Variants in ESYT1 observed in about 807,000 individuals in gnomAD.
The protein encoded by ESYT1 is extended synaptotagmin-1.
In ESYT1, 116 loss-of-function variants were observed where a neutral mutation model predicts 154.2. The observed-to-expected ratio is 0.75, with a 90% CI of 0.65 to 0.88. The LOEUF is 0.88. Among genes scored for constraint, ESYT1 ranks in the 40% least tolerant of loss-of-function variants. The probability of loss-of-function intolerance (pLI) is 0.00; values close to 1 mark genes in which losing one functional copy is unlikely to be tolerated. For synonymous variants in ESYT1, 500 were observed against 539.9 expected (o/e 0.93, Z 1.02); for missense variants, 1,264 against 1,379.3 (o/e 0.92, Z 1.32).
In ESYT1 at chr12:56,138,483, G is replaced by C. The variant is rs763709224; in HGVS notation, c.2417G>C (p.Arg806Pro). The change falls in exon 22 of 31, where the codon CGG becomes CCG. Residue 806 changes from arginine to proline, a missense_variant. Coordinates refer to ENST00000394048, the MANE Select transcript of ESYT1 (RefSeq NM_015292.3). Reference protein sequence around the residue: ...AAALLSIYMERAEDLPLRKGT... With the variant: ...AAALLSIYMEPAEDLPLRKGT... ...GCCCTGCTATCCATCTATATGGAGCGGGCAGAGGACCTCCCGGTGAGATCC... is the reference window on the plus strand; with the variant it reads ...GCCCTGCTATCCATCTATATGGAGCCGGCAGAGGACCTCCCGGTGAGATCC... The C allele has an allele frequency of 1.2e-6, 2 of 1,609,686 alleles. No homozygotes were observed. The highest frequency in any genetic ancestry group is 2.2e-5 in the East Asian group (1 of 44,748).
intron 1 of ESYT1, chr12:56,129,120 T>C (rs1263661699): frequency 4.4e-6 from 1 of 227,950 alleles, no homozygotes; most frequent in Non-Finnish European, 8.9e-6. Flanking sequence ...CCCTAGTCTT[T>C]CCCATCCTCC....
At chr12:56,136,364 G>A (rs1037449952) in intron 15 of ESYT1, among the ~76,000 whole-genome samples, 5 of 151,958 alleles carry the variant, frequency 3.3e-5, no homozygotes, top group South Asian at 2.1e-4. Context: ...CGAGGTGGGC[G>A]GATTGCCTGA....
Position 56,131,029 on chromosome 12 carries a change from T to C in ESYT1, c.568-11T>C, listed in dbSNP as rs778837784. On this transcript the variant is annotated splice_polypyrimidine_tract_variant and intron_variant, in intron 3 of 30. Coordinates refer to ENST00000394048, the MANE Select transcript of ESYT1 (RefSeq NM_015292.3). Reference sequence around the variant, plus strand: ...ATCCCTGCCCTCTCTCAGGAATTTCTCTCTCCCTAGCCATTGCGCATCATT... The same window carrying C: ...ATCCCTGCCCTCTCTCAGGAATTTCCCTCTCCCTAGCCATTGCGCATCATT... 6.2e-7 allele frequency: 1 copy of C among 1,614,166 alleles called. No homozygotes were observed. Among genetic ancestry groups the C allele is most frequent in the Admixed American group, 1.7e-5 (1 of 60,016 alleles).
At chr12:56,138,541 C>A in intron 22 of ESYT1, 42 bp downstream of exon 22, 1 of 1,531,386 alleles carries the variant, frequency 6.5e-7, no homozygotes, top group Non-Finnish European at 8.9e-7. Context: ...CCTGGCCCTT[C>A]TTCCACCTTC....
rs753301848 is a variant in ESYT1 at position 56,131,585 on chromosome 12, G to A, written c.804+19G>A. 1 of 1,613,482 alleles carries A rather than the reference G, an allele frequency of 6.2e-7. No individual in the cohort carries two copies. The highest frequency in any genetic ancestry group is 8.5e-7 in the Non-Finnish European group (1 of 1,179,614). ...ACGCCCGGTAAGGGAAAACAATGAAGGGGTATGGGGAAGCAGGAGAAACAG... is the reference window on the plus strand; with the variant it reads ...ACGCCCGGTAAGGGAAAACAATGAAAGGGTATGGGGAAGCAGGAGAAACAG... On this transcript the variant is annotated intron_variant, in intron 6 of 30. Transcript: ENST00000394048.
Position 56,138,859 on chromosome 12 carries a change from G to A in ESYT1, c.2505+20G>A. The A allele has an allele frequency of 6.2e-7, 1 of 1,613,082 alleles. No homozygotes were observed. The highest frequency in any genetic ancestry group is 1.1e-5 in the South Asian group (1 of 91,076). On this transcript the variant is annotated intron_variant, in intron 23 of 30. Coordinates refer to ENST00000394048, the MANE Select transcript of ESYT1 (RefSeq NM_015292.3). Reference sequence around the variant, plus strand: ...ACCAAGGTATGAAGAAATGCTGCAGGGTAAAAATGGGAGGGATAAGAGAAA... The same window carrying A: ...ACCAAGGTATGAAGAAATGCTGCAGAGTAAAAATGGGAGGGATAAGAGAAA...
Position 56,143,632 on chromosome 12 carries a change from G to A in ESYT1, c.3275+3G>A, listed in dbSNP as rs1435188821. The A allele has an allele frequency of 6.2e-7, 1 of 1,614,082 alleles. No individual in the cohort carries two copies. Among genetic ancestry groups the A allele is most frequent in the Admixed American group, 1.7e-5 (1 of 60,014 alleles). Reference sequence around the variant, plus strand: ...CTTTCCCAGGGTGTAGCCCGGTGGTGAGTGTCTGCGTGGGTGGGGGATGGT... The same window carrying A: ...CTTTCCCAGGGTGTAGCCCGGTGGTAAGTGTCTGCGTGGGTGGGGGATGGT... On this transcript the variant is annotated splice_donor_region_variant and intron_variant, in intron 30 of 30. Transcript: ENST00000394048.
At chr12:56,130,307 C>T (rs1021367671) in intron 1 of ESYT1, 4 of 546,734 alleles carry the variant, frequency 7.3e-6, no homozygotes, top group African/African-American at 3.8e-5. Flanking sequence ...TCCTCCCGCT[C>T]CTCTCTCTCT....
intron 22 of ESYT1, 76 bp from the exon 23 acceptor site, chr12:56,138,692 G>A: frequency 6.9e-7 from 1 of 1,444,256 alleles, no homozygotes; most frequent in Non-Finnish European, 9.7e-7. Context: ...ATGGCTGCTG[G>A]CTGTGGATAT....
In ESYT1 at chr12:56,134,358, A is replaced by C. The variant is rs1267338900; in HGVS notation, c.1562A>C (p.Asn521Thr). 2.5e-6 allele frequency: 4 copies of C among 1,614,114 alleles called. No homozygotes were observed. The highest frequency in any genetic ancestry group is 3.4e-6 in the Non-Finnish European group (4 of 1,180,002). ...CATCTCCAGGCTGTCTACAGTACCAACTGCCCAGTGTGGGAGGAAGCGTTC... is the reference window on the plus strand; with the variant it reads ...CATCTCCAGGCTGTCTACAGTACCACCTGCCCAGTGTGGGAGGAAGCGTTC... The part of the protein sequence containing the change: ...TQESKAVYST[N>T]CPVWEEAFRF... Residue 521 changes from asparagine (N) to threonine (T), a missense_variant, in exon 15 of 31, where the codon AAC (asparagine) becomes ACC (threonine). Coordinates refer to ENST00000394048, the MANE Select transcript of ESYT1 (RefSeq NM_015292.3).
In ESYT1 at chr12:56,142,423, G is replaced by T; in HGVS notation, c.2731G>T (p.Gly911Trp). ...GCAGGTGCTACTGAGAGCACAGCTA[G>T]GGGTGAGTGACAGGAGATGGTGGGC... ...QGQVLLRAQL[G>W]ILVSQHSGVE... Residue 911 changes from glycine to tryptophan, a missense_variant and splice_region_variant, in exon 25 of 31, where the codon GGG (glycine) becomes TGG (tryptophan). By Grantham distance (184) the Gly-to-Trp change is radical (BLOSUM62 -2). Coordinates refer to ENST00000394048, the MANE Select transcript of ESYT1 (RefSeq NM_015292.3). The surrounding 1 kb of genome is among the most constrained non-coding windows in gnomAD (Gnocchi z 4.1). 1 of 1,612,066 alleles carries T rather than the reference G, an allele frequency of 6.2e-7. No individual in the cohort carries two copies. Among genetic ancestry groups the T allele is most frequent in the South Asian group, 1.1e-5 (1 of 90,934 alleles).
At chr12:56,134,553 C>T (rs1276429902) in intron 15 of ESYT1, 125 bp downstream of exon 15, 1 of 776,404 alleles carries the variant, frequency 1.3e-6, no homozygotes, top group Non-Finnish European at 2.3e-6. Context: ...GACTCCCCAC[C>T]TCCCTGAATA....
chr12:56,137,798 A>C (rs755086481), intron 18 of ESYT1, 34 bp from the exon 19 acceptor site: 2 of 1,611,648 alleles, frequency 1.2e-6, no homozygotes, highest in East Asian at 4.5e-5. Flanking sequence ...GGAAAAGGAG[A>C]GAATCTTTCA....
rs1166573585 is a variant in ESYT1, at chr12:56,137,210, C to T, written c.1783-8C>T. On this transcript the variant is annotated splice_region_variant and splice_polypyrimidine_tract_variant and intron_variant, in intron 16 of 30. Coordinates refer to ENST00000394048, the MANE Select transcript of ESYT1 (RefSeq NM_015292.3). ...TTCTTTGATTCAGCATCATACTACC[C>T]TTCCTAGATCCTGTACTTGGATTCA... 1 of 1,614,050 alleles carries T rather than the reference C, an allele frequency of 6.2e-7. No individual in the cohort carries two copies. The highest frequency in any genetic ancestry group is 1.7e-5 in the Admixed American group (1 of 59,996).
chr12:56,143,851 G>A lies in ESYT1; in HGVS notation c.3304G>A (p.Gly1102Ser). 1 of 1,613,888 alleles carries A rather than the reference G, an allele frequency of 6.2e-7. No individual in the cohort carries two copies. Among genetic ancestry groups the A allele is most frequent in the Non-Finnish European group, 8.5e-7 (1 of 1,179,916 alleles). ...WYDLMDNKDK[G>S]SS ...TGACCTGATGGACAACAAGGACAAG[G>A]GCAGCTCCTAGGAGCTGGCGAGTCC... Residue 1102 changes from glycine to serine, a missense_variant, in exon 31 of 31, where the codon GGC (glycine) becomes AGC (serine). Transcript: ENST00000394048.
At chr12:56,129,608 G>A (rs896409465) in intron 1 of ESYT1, 5 of 152,380 alleles carry the variant, frequency 3.3e-5, no homozygotes, top group African/African-American at 1.2e-4. Flanking sequence ...GGACTGGAAA[G>A]GGGAGGAGAA....
intron 15 of ESYT1, among the ~76,000 whole-genome samples, chr12:56,134,969 C>T (rs1240255119): frequency 2.6e-5 from 4 of 152,000 alleles, no homozygotes; most frequent in African/African-American, 9.7e-5. Context: ...GGCCAGTAAG[C>T]ATTGTGAAAG....
rs913052003 is a variant in ESYT1 at position 56,137,627 on chromosome 12, C to G, written c.2067C>G (p.Ser689Arg). 2 of 1,613,970 alleles carry G rather than the reference C, an allele frequency of 1.2e-6. No individual in the cohort carries two copies. The highest frequency in any genetic ancestry group is 2.7e-5 in the African/African-American group (2 of 74,888). ...AGTTGGCAGGACGAAGCTTCCGGAG[C>G]CATGTTGTTCGGGAAGATCTCAATC... ...KLKLAGRSFR[S>R]HVVREDLNPR... The change falls in exon 18 of 31, where the codon AGC becomes AGG. Residue 689 changes from serine to arginine, a missense_variant. Transcript: ENST00000394048.
chr12:56,133,274 G>A (rs1870315731), intron 10 of ESYT1, 143 bp from the exon 11 acceptor site: 3 of 827,636 alleles, frequency 3.6e-6, no homozygotes, highest in Non-Finnish European at 2.0e-6. Flanking sequence ...CACGCATGCA[G>A]GTGAATATCT....
Sources: gnomAD v4.1 joint callset for allele counts (sites outside exome capture counted in the v4.1 genomes callset) on GRCh38, gnomAD v4.1.1 for gene constraint, Gnocchi (gnomAD v3.1) non-coding constraint, MANE v1.5 for transcripts, NCBI Gene and HGNC (gene_info 2026-07-23, HGNC 2026-07-21) for gene names.